Variants in MIER2 observed in about 807,000 individuals in gnomAD.
The protein encoded by MIER2 is MIER family member 2.
Under a neutral mutation model 67.6 loss-of-function variants are expected in MIER2, and 30 were observed. That is an observed-to-expected ratio of 0.44 (90% CI 0.33 to 0.60). The LOEUF is 0.60. MIER2 is among the 20% of genes least tolerant of loss of function. The probability of loss-of-function intolerance (pLI) is 0.02; values close to 1 mark genes in which losing one functional copy is unlikely to be tolerated. For synonymous variants in MIER2, 372 were observed against 312.6 expected (o/e 1.19, Z -2.00); for missense variants, 702 against 745.1 (o/e 0.94, Z 0.67).
intron 3 of MIER2, among the ~76,000 whole-genome samples, chr19:329,258 G>T (rs1971914269): frequency 6.6e-6 from 1 of 152,132 alleles, no homozygotes; most frequent in African/African-American, 2.4e-5. Flanking sequence ...TCTACACTGA[G>T]TCCCCCTTTT....
intron 7 of MIER2, 111 bp from the exon 8 acceptor site, chr19:313,754 GTCC>G: frequency 7.0e-7 from 1 of 1,432,340 alleles, no homozygotes; most frequent in Non-Finnish European, 9.4e-7. Flanking sequence ...GGCACTGTCC[GTCC>G]TCCCTTTCCC....
intron 7 of MIER2, among the ~76,000 whole-genome samples, chr19:323,327 C>T (rs569055611): frequency 4.2e-4 from 61 of 146,458 alleles, no homozygotes; most frequent in African/African-American, 1.2e-3. Context: ...CATACAACCA[C>T]GCAGACGACT....
chr19:344,164 C>G, intron 1 of MIER2: 5 of 985,436 alleles, frequency 5.1e-6, no homozygotes, highest in Non-Finnish European at 6.0e-6. Context: ...GAGATCAGCC[C>G]CGACGCTCTC....
Position 307,321 on chromosome 19 carries a change from C to T in MIER2, c.1414G>A (p.Val472Met), listed in dbSNP as rs750413794. 2.4e-5 allele frequency: 39 copies of T among 1,601,610 alleles called. No homozygotes were observed. Among genetic ancestry groups the T allele is most frequent in the Admixed American group, 5.2e-5 (3 of 57,836 alleles). Residue 472 changes from valine (V) to methionine (M), a missense_variant, in exon 13 of 14, where the codon GTG (valine) becomes ATG (methionine). Around this residue, in one of 3 missense-constraint regions of MIER2, gnomAD observed 254 missense variants for 262.8 expected, o/e 0.97. Coordinates refer to ENST00000264819, the MANE Select transcript of MIER2 (RefSeq NM_017550.3). ...PEPDASPRLA[V>M]DFALPKELPL... ...AGCTCCTTGGGCAGGGCGAAGTCCACGGCCAGCCTTGGGCTGGCGTCTGGC... is the reference window on the plus strand; with the variant it reads ...AGCTCCTTGGGCAGGGCGAAGTCCATGGCCAGCCTTGGGCTGGCGTCTGGC...
At chr19:332,268 T>C (rs1972062111) in intron 3 of MIER2, among the ~76,000 whole-genome samples, 1 of 152,048 alleles carries the variant, frequency 6.6e-6, no homozygotes, top group Non-Finnish European at 1.5e-5. Context: ...CAGCTCATTT[T>C]AAAATGAGTT....
At chr19:336,648 G>A (rs918312300) in intron 1 of MIER2, among the ~76,000 whole-genome samples, 5 of 152,180 alleles carry the variant, frequency 3.3e-5, no homozygotes, top group Non-Finnish European at 7.4e-5. Flanking sequence ...GACTGCTAAC[G>A]GGGACAGGGC....
At chr19:323,076 A>T (rs568918940) in intron 7 of MIER2, among the ~76,000 whole-genome samples, 3 of 152,196 alleles carry the variant, frequency 2.0e-5, no homozygotes, top group Admixed American at 2.0e-4. Context: ...TCACAATGCA[A>T]TACACACGAC....
In MIER2 at chr19:327,049, T is replaced by A. The variant is rs992421941; in HGVS notation, c.493+84A>T. 4.0e-6 allele frequency: 6 copies of A among 1,491,540 alleles called. No homozygotes were observed. The African/African-American group carries it at 8.6e-5, about 21-fold the overall frequency. 92.4% of individuals were successfully genotyped at this position (1,491,540 alleles called of 1,614,324 possible). A position where few individuals can be genotyped will look rare whatever the true frequency, so the allele number is the denominator to read the frequency against. ...ATCTGTGATGAGTTCTTGGCCTGCA[T>A]CAGCCCAAGGACCCTTCATCAAGCA... On this transcript the variant is annotated intron_variant, in intron 5 of 13. Transcript: ENST00000264819.
At chr19:316,375 C>G (rs1044657789) in intron 7 of MIER2, among the ~76,000 whole-genome samples, 15 of 152,066 alleles carry the variant, frequency 9.9e-5, no homozygotes, top group African/African-American at 3.6e-4. Flanking sequence ...TCACTGCAAC[C>G]TCCATCTCCG....
chr19:312,447 C>A (rs1971063341), intron 8 of MIER2, among the ~76,000 whole-genome samples, 175 bp from the exon 9 acceptor site: 1 of 121,762 alleles, frequency 8.2e-6, no homozygotes, highest in South Asian at 3.3e-4. Flanking sequence ...CCACACCACC[C>A]TCCTGGGCGA....
At chr19:336,219 G>A in intron 1 of MIER2, 46 bp from the exon 2 acceptor site, 1 of 1,504,044 alleles carries the variant, frequency 6.6e-7, no homozygotes, top group Non-Finnish European at 9.2e-7. Context: ...CCCAAAACCT[G>A]CTGCTGGACA....
intron 7 of MIER2, among the ~76,000 whole-genome samples, 159 bp downstream of exon 7, chr19:325,476 A>T (rs1971696496): frequency 6.6e-6 from 1 of 152,156 alleles, no homozygotes. Context: ...GGCCCACTGC[A>T]GCCACGAGAG....
chr19:306,756 C>T (rs1970670573), intron 13 of MIER2, 45 bp from the exon 14 acceptor site: 1 of 1,552,456 alleles, frequency 6.4e-7, no homozygotes, highest in Non-Finnish European at 8.7e-7. Flanking sequence ...GTCAGTGCGG[C>T]CCCACGTGCC....
At chr19:344,138 C>G in intron 1 of MIER2, 1 of 985,464 alleles carries the variant, frequency 1.0e-6, no homozygotes, top group African/African-American at 1.7e-5. Context: ...CCGGGAGAGG[C>G]TGGTCCAACT....
intron 1 of MIER2, 144 bp from the exon 2 acceptor site, chr19:336,317 G>C: frequency 1.5e-6 from 1 of 657,986 alleles, no homozygotes; most frequent in Non-Finnish European, 2.6e-6. Context: ...TCTGAGGGCT[G>C]GGGGGCACTA....
intron 1 of MIER2, chr19:343,806 C>G (rs774925769): frequency 2.3e-4 from 221 of 982,210 alleles, no homozygotes; most frequent in Middle Eastern, 5.2e-4. Flanking sequence ...GCACCTTCAC[C>G]TACATTATCT....
At chr19:322,213 C>T (rs1410031655) in intron 7 of MIER2, among the ~76,000 whole-genome samples, 1 of 151,902 alleles carries the variant, frequency 6.6e-6, no homozygotes, top group African/African-American at 2.4e-5. Context: ...CCACCATACA[C>T]CAAAATGTAA....
At position 343,993 on chromosome 19, in the gene MIER2, C is replaced by G. The variant is rs539449129; in HGVS notation, c.9+781G>C. 3.9e-5 allele frequency: 38 copies of G among 985,456 alleles called. No homozygotes were observed. In the South Asian group the frequency reaches 1.3e-3, roughly 34 times the overall value. 61.0% of individuals were successfully genotyped at this position (985,456 alleles called of 1,614,324 possible). On this transcript the variant is annotated intron_variant, in intron 1 of 13. Coordinates refer to ENST00000264819, the MANE Select transcript of MIER2 (RefSeq NM_017550.3). ...CCTAGGTGGGTTTGATCAAACATCA[C>G]AGTCCAAAATCCCACAGATCCTCAA...
rs890133122 is a variant in MIER2 at position 324,303 on chromosome 19, C to A, written c.655+1332G>T. On this transcript the variant is annotated intron_variant, in intron 7 of 13. Coordinates refer to ENST00000264819, the MANE Select transcript of MIER2 (RefSeq NM_017550.3). ...TGTCATCACAATGCAATACACAAGA[C>A]ACACACAACCACGCAGACAACTCGA... is the stretch of plus-strand genomic sequence containing the variant. Among the ~76,000 whole-genome samples, 3 of 134,998 alleles carry A rather than the reference C, an allele frequency of 2.2e-5. No homozygotes were observed. The East Asian group carries it at 6.2e-4, about 28-fold the overall frequency. The allele number at this position is 134,998 out of a possible 152,430, so 88.6% of individuals were successfully genotyped here. A position where few individuals can be genotyped will look rare whatever the true frequency, so the allele number is the denominator to read the frequency against.
Sources: gnomAD v4.1 joint callset for allele counts (sites outside exome capture counted in the v4.1 genomes callset) on GRCh38, gnomAD v4.1.1 for gene constraint, gnomAD v4.1.1 regional missense constraint, MANE v1.5 for transcripts, NCBI Gene and HGNC (gene_info 2026-07-23, HGNC 2026-07-21) for gene names.